The following SLC36A3 variants were observed in gnomAD, a reference collection of about 807,000 sequenced individuals.
The protein encoded by SLC36A3 is proton-coupled amino acid transporter 3.
Under a neutral mutation model 44.3 loss-of-function variants are expected in SLC36A3, and 35 were observed. That is an observed-to-expected ratio of 0.79 (90% confidence interval 0.60 to 1.05). SLC36A3 has a LOEUF of 1.05. Ranked by LOEUF, SLC36A3 falls within the 50% of genes least tolerant of loss-of-function variation. The probability of loss-of-function intolerance (pLI) is 0.00; values close to 1 mark genes in which losing one functional copy is unlikely to be tolerated. For synonymous variants in SLC36A3, 211 were observed against 227.6 expected, an observed-to-expected ratio of 0.93 and a Z score of 0.66; for missense variants, 540 against 578.7, an observed-to-expected ratio of 0.93 and a Z score of 0.69.
rs1400804552 is a variant in SLC36A3 at position 151,288,383 on chromosome 5, T to A, written c.489+3A>T. On this transcript the variant is annotated splice_donor_region_variant and intron_variant, in intron 5 of 9. Transcript: ENST00000335230. ...CCACTCTGCCCAGAAGAGGGCTCTT[T>A]ACCTGTTGTAAATTGTCTGCCATAA... The A allele has an allele frequency of 6.3e-7, 1 of 1,596,514 alleles. No homozygotes were observed. The highest frequency in any genetic ancestry group is 8.5e-7 in the Non-Finnish European group (1 of 1,171,404).
At chr5:151,299,652 C>T (rs187188902) in intron 1 of SLC36A3, among the ~76,000 whole-genome samples, 51 of 152,154 alleles carry the variant, frequency 3.4e-4, no homozygotes, top group Admixed American at 6.5e-4. Flanking sequence ...AAAGTACATG[C>T]GTAAGCATTG....
At chr5:151,289,118 T>A (rs1400064729) in intron 4 of SLC36A3, 1 of 153,776 alleles carries the variant, frequency 6.5e-6, no homozygotes, top group African/African-American at 2.4e-5. Context: ...CCCTAAATTC[T>A]TAAGACTGCA....
At chr5:151,300,130 C>A (rs1351160010) in intron 1 of SLC36A3, among the ~76,000 whole-genome samples, 1 of 152,198 alleles carries the variant, frequency 6.6e-6, no homozygotes, top group Non-Finnish European at 1.5e-5. Context: ...ACAGAGAATG[C>A]CCTCTTGCCA....
At chr5:151,299,260 C>CTATATATA (rs1418346991) in intron 1 of SLC36A3, among the ~76,000 whole-genome samples, 15 of 65,466 alleles carry the variant, frequency 2.3e-4, no homozygotes, top group South Asian at 6.9e-4. Context: ...CTCTCTCTCT[C>CTATATATA]TCTCTATATA....
chr5:151,300,367 A>G, intron 1 of SLC36A3, among the ~76,000 whole-genome samples: 1 of 152,230 alleles, frequency 6.6e-6, no homozygotes, highest in East Asian at 1.9e-4. Flanking sequence ...CAGTCTATTG[A>G]GTGAAGTCTA....
intron 8 of SLC36A3, 41 bp downstream of exon 8, chr5:151,284,003 C>T: frequency 6.4e-7 from 1 of 1,569,672 alleles, no homozygotes; most frequent in South Asian, 1.2e-5. Flanking sequence ...AGAACAGTTC[C>T]AGTGTCTCTC....
At chr5:151,301,320 T>C (rs1030781908) in intron 1 of SLC36A3, among the ~76,000 whole-genome samples, 3 of 152,220 alleles carry the variant, frequency 2.0e-5, no homozygotes, top group African/African-American at 7.2e-5. Context: ...TTAGGGGTCA[T>C]GCAGCCTCTG....
rs200492438 is a variant in SLC36A3, at chr5:151,284,701, T to C, written c.719A>G (p.Tyr240Cys). ...TGCCATCAAGGGTAGGTTGCTGGGA[T>C]ATGGAATCCCCTAAAAGAAAGTGGG... ...IFEYIMEGIPYPSNLPLMANW... is the reference protein window; with the variant it reads ...IFEYIMEGIPCPSNLPLMANW... The change falls in exon 7 of 10, where the codon TAT becomes TGT. Residue 240 changes from tyrosine to cysteine, a missense_variant. By Grantham distance (194) the Tyr-to-Cys change is radical. Coordinates refer to ENST00000335230, the MANE Select transcript of SLC36A3 (RefSeq NM_181774.4). The C allele has an allele frequency of 6.1e-5, 98 of 1,612,566 alleles. No homozygotes were observed. The highest frequency in any genetic ancestry group is 1.7e-4 in the Middle Eastern group (1 of 6,054).
Position 151,296,266 on chromosome 5 carries a change from G to A in SLC36A3, c.222C>T (p.Val74=), listed in dbSNP as rs61729743. 4.7e-3 allele frequency: 7,566 copies of A among 1,613,836 alleles called. 309 individuals carry two copies. The African/African-American group carries it at 0.089, about 19-fold the overall frequency. Residue 74 remains valine (V), a splice_region_variant and synonymous_variant, in exon 3 of 10, where the codon GTC becomes GTT. Coordinates refer to ENST00000335230, the MANE Select transcript of SLC36A3 (RefSeq NM_181774.4). ...PLAIKNAGLL[V]GPVSLLAIGV... ...CGATGGCCAGAAGGCTGACAGGACCGACCTGGAGGGGAGAGGAGAAAGGGG... is the reference window on the plus strand; with the variant it reads ...CGATGGCCAGAAGGCTGACAGGACCAACCTGGAGGGGAGAGGAGAAAGGGG...
intron 1 of SLC36A3, among the ~76,000 whole-genome samples, chr5:151,301,618 G>A (rs1300410698): frequency 2.0e-5 from 3 of 151,672 alleles, no homozygotes; most frequent in Non-Finnish European, 2.9e-5. Context: ...TCTAATTCCC[G>A]AATGCTCAGG....
intron 3 of SLC36A3, among the ~76,000 whole-genome samples, chr5:151,295,422 A>G (rs989307400): frequency 2.0e-5 from 3 of 152,242 alleles, no homozygotes; most frequent in African/African-American, 4.8e-5. Context: ...TTTTGTGAGC[A>G]GGAAAGTGCT....
intron 1 of SLC36A3, among the ~76,000 whole-genome samples, chr5:151,300,425 G>T (rs1185199762): frequency 6.6e-6 from 1 of 152,152 alleles, no homozygotes; most frequent in East Asian, 1.9e-4. Context: ...GGATGGGGGG[G>T]TGGGCACCCA....
At chr5:151,285,039 T>A (rs1754482501) in intron 6 of SLC36A3, among the ~76,000 whole-genome samples, 1 of 152,180 alleles carries the variant, frequency 6.6e-6, no homozygotes, top group East Asian at 1.9e-4. Flanking sequence ...TATCAAATAA[T>A]AACGCCCCAC....
At chr5:151,284,359 A>AT (rs1754450055) in intron 7 of SLC36A3, 149 bp from the exon 8 acceptor site, 1 of 800,174 alleles carries the variant, frequency 1.2e-6, no homozygotes, top group Non-Finnish European at 2.0e-6. Context: ...CACTCCTTTC[A>AT]TTTTCTCTCA....
chr5:151,289,096 C>T (rs1226411362), intron 4 of SLC36A3: 2 of 153,624 alleles, frequency 1.3e-5, no homozygotes, highest in Admixed American at 1.3e-4. Context: ...TGTAGGTATC[C>T]TAATACTTAA....
chr5:151,288,655 C>G (rs1030101524), intron 4 of SLC36A3, among the ~76,000 whole-genome samples, 185 bp from the exon 5 acceptor site: 1 of 108,304 alleles, frequency 9.2e-6, no homozygotes, highest in Admixed American at 8.2e-5. Context: ...TCCATGTACC[C>G]TTTAACTAAA....
intron 1 of SLC36A3, among the ~76,000 whole-genome samples, chr5:151,302,915 G>A (rs2127276052): frequency 6.6e-6 from 1 of 152,018 alleles, no homozygotes. Flanking sequence ...AAGGCAGCCA[G>A]AGACTGTGGA....
chr5:151,279,118 T>C lies in SLC36A3; in HGVS notation c.1145-1457A>G, dbSNP rs1044800879. Reference sequence around the variant, plus strand: ...TGCACAGTCTGTTCCCTTCCCGTGGTACATTCTTCACTCCTCCGTCTATTT... The same window carrying C: ...TGCACAGTCTGTTCCCTTCCCGTGGCACATTCTTCACTCCTCCGTCTATTT... On this transcript the variant is annotated intron_variant, in intron 9 of 9. Transcript: ENST00000335230. Among the ~76,000 whole-genome samples, 6 of 151,698 alleles carry C rather than the reference T, an allele frequency of 4.0e-5. No individual in the cohort carries two copies. The East Asian group carries it at 9.6e-4, about 24-fold the overall frequency.
At position 151,283,776 on chromosome 5, in the gene SLC36A3, C is replaced by T. The variant is rs147285101; in HGVS notation, c.974+268G>A. The stretch of plus-strand genomic sequence containing the variant: ...TATGTATTAATCCAATTAATCCCCA[C>T]GGTCACTGCATCAGGTAGCACAGCA... On this transcript the variant is annotated intron_variant, in intron 8 of 9. Transcript: ENST00000335230. Among the ~76,000 whole-genome samples the T allele has an allele frequency of 4.9e-3, 750 of 152,354 alleles. 4 individuals carry two copies. Among genetic ancestry groups the T allele is most frequent in the Non-Finnish European group, 7.3e-3 (494 of 68,028 alleles).
Sources: allele counts gnomAD v4.1 joint callset (sites outside exome capture counted in the v4.1 genomes callset), GRCh38; gene constraint gnomAD v4.1.1; transcripts MANE v1.5; gene names NCBI Gene and HGNC (gene_info 2026-07-23, HGNC 2026-07-21).